LRMDA: variants seen among roughly 807,000 people sequenced by gnomAD.
The protein encoded by LRMDA is leucine rich melanocyte differentiation associated, also known as leucine-rich melanocyte differentiation-associated protein.
In LRMDA, 18 loss-of-function variants were observed where a neutral mutation model predicts 29.8. The observed-to-expected ratio is 0.60, with a 90% CI of 0.42 to 0.90. The LOEUF is 0.90. Among genes scored for constraint, LRMDA ranks in the 40% least tolerant of loss-of-function variants. The pLI, the probability that LRMDA is intolerant of heterozygous loss-of-function variation, is 0.00. For synonymous variants in LRMDA, 125 were observed against 109.4 expected (o/e 1.14, Z -0.89); for missense variants, 273 against 273.9 (o/e 1.00, Z 0.02).
chr10:76,362,125 G>C (rs995688096), intron 6 of LRMDA, among the ~76,000 whole-genome samples: 2 of 152,166 alleles, frequency 1.3e-5, no homozygotes, highest in African/African-American at 4.8e-5. Context: ...ACACGACACT[G>C]CCATAGCCTC....
intron 5 of LRMDA, among the ~76,000 whole-genome samples, chr10:76,184,394 C>T (rs904927419): frequency 2.6e-5 from 4 of 152,166 alleles, no homozygotes; most frequent in African/African-American, 7.2e-5. Flanking sequence ...GTGTCTTGCT[C>T]TTCTGGTGTA....
chr10:75,865,237 TAGAA>T (rs1564590600), intron 2 of LRMDA, among the ~76,000 whole-genome samples: 1 of 152,194 alleles, frequency 6.6e-6, no homozygotes, highest in Non-Finnish European at 1.5e-5. Context: ...TCTGGGGTGA[TAGAA>T]AGCAGAATAA....
chr10:75,467,956 TCACACACACACACACACACACACA>T (rs61295526), intron 2 of LRMDA, among the ~76,000 whole-genome samples: 2 of 129,988 alleles, frequency 1.5e-5, no homozygotes, highest in East Asian at 2.3e-4. Flanking sequence ...TGAGACTCCG[TCACACACACACACACACACACACA>T]CACACACACA....
chr10:76,121,171 C>T (rs984436893), intron 5 of LRMDA, among the ~76,000 whole-genome samples: 2 of 151,540 alleles, frequency 1.3e-5, no homozygotes, highest in African/African-American at 4.9e-5. Flanking sequence ...CTAGTATCTT[C>T]AAGAAGGAGG....
chr10:75,753,018 G>A (rs770791753), intron 2 of LRMDA, among the ~76,000 whole-genome samples: 9 of 152,142 alleles, frequency 5.9e-5, no homozygotes, highest in Non-Finnish European at 8.8e-5. Flanking sequence ...GATTGTGTCT[G>A]ATTCAGATAG....
At chr10:76,271,251 T>C (rs1373648452) in intron 5 of LRMDA, among the ~76,000 whole-genome samples, 2 of 152,024 alleles carry the variant, frequency 1.3e-5, no homozygotes, top group Non-Finnish European at 2.9e-5. Context: ...CTACAAAAAG[T>C]ACAAAAATTA....
At chr10:75,844,436 T>G (rs1844596797) in intron 2 of LRMDA, among the ~76,000 whole-genome samples, 1 of 152,202 alleles carries the variant, frequency 6.6e-6, no homozygotes, top group African/African-American at 2.4e-5. Context: ...AAGAATAATG[T>G]TGAAGCCCAA....
chr10:76,366,897 G>C (rs1331280349), intron 6 of LRMDA, among the ~76,000 whole-genome samples: 1 of 152,198 alleles, frequency 6.6e-6, no homozygotes, highest in Non-Finnish European at 1.5e-5. Flanking sequence ...GTTTGTCATA[G>C]ATGGCTTTTA....
At chr10:76,069,357 T>A (rs1898059) in intron 5 of LRMDA, among the ~76,000 whole-genome samples, 57,420 of 152,132 alleles carry the variant, frequency 0.38, 12,044 homozygotes, top group Non-Finnish European at 0.46. Context: ...CAGACAGGGC[T>A]CCATCAATAA....
In LRMDA at chr10:76,057,357, G is replaced by A. The variant is rs571490284; in HGVS notation, c.399-1309G>A. On this transcript the variant is annotated intron_variant, in intron 4 of 6. Coordinates refer to ENST00000611255, the MANE Select transcript of LRMDA (RefSeq NM_001305581.2). ...CTGTATCCCTAAGGCCTGGCACATA[G>A]TAGGTGATCAAGAAATATCTGTGCA... is the stretch of plus-strand genomic sequence containing the variant. Among the ~76,000 whole-genome samples, 371 of 152,308 alleles carry A rather than the reference G, an allele frequency of 2.4e-3. 2 individuals carry two copies. The highest frequency in any genetic ancestry group is 7.5e-3 in the African/African-American group (310 of 41,552).
intron 5 of LRMDA, among the ~76,000 whole-genome samples, chr10:76,135,813 C>A (rs1002757344): frequency 2.0e-5 from 3 of 151,514 alleles, no homozygotes; most frequent in Non-Finnish European, 4.4e-5. Context: ...TGGATTTGGG[C>A]CCATCCTAAT....
chr10:75,865,629 C>G (rs1458758416), intron 2 of LRMDA, among the ~76,000 whole-genome samples: 1 of 152,164 alleles, frequency 6.6e-6, no homozygotes, highest in Non-Finnish European at 1.5e-5. Flanking sequence ...TTTGTCAGCT[C>G]TGTTGTCCAA....
chr10:76,080,248 T>G (rs1024549950), intron 5 of LRMDA, among the ~76,000 whole-genome samples: 3 of 152,164 alleles, frequency 2.0e-5, no homozygotes, highest in African/African-American at 7.2e-5. Flanking sequence ...GAGCTTTCCT[T>G]TAACTACATC....
rs73290753 is a variant in LRMDA at position 76,374,421 on chromosome 10, T to A, written c.601+49936T>A. On this transcript the variant is annotated intron_variant, in intron 6 of 6. Transcript: ENST00000611255. ...AGATGAAAGGACTCATACGTCTGGA[T>A]TGGGCAGATAAATAATCAAAACAGA... 5.6e-3 allele frequency among the ~76,000 whole-genome samples: 855 copies of A among 152,198 alleles called. 9 individuals carry two copies. Among genetic ancestry groups the A allele is most frequent in the African/African-American group, 0.018 (757 of 41,526 alleles).
intron 2 of LRMDA, among the ~76,000 whole-genome samples, chr10:75,534,088 C>T (rs1345943391): frequency 2.6e-5 from 4 of 152,192 alleles, no homozygotes; most frequent in African/African-American, 9.7e-5. Context: ...TCAACAGGCT[C>T]TCTTCATGCT....
intron 2 of LRMDA, among the ~76,000 whole-genome samples, chr10:76,013,393 A>G (rs1177742756): frequency 6.6e-6 from 1 of 151,542 alleles, no homozygotes; most frequent in Non-Finnish European, 1.5e-5. Context: ...TTCTGATGGT[A>G]GACTTGGTAG....
rs1351443789 is a variant in LRMDA at position 76,020,764 on chromosome 10, GA to G, written c.132-15240del. ...CAGCGAGAGCCCCCACTGCTGTTCAGAAAACCTGAAAAGAATAGAATATAGA... is the reference window on the plus strand; with the variant it reads ...CAGCGAGAGCCCCCACTGCTGTTCAGAAACCTGAAAAGAATAGAATATAGA... On this transcript the variant is annotated intron_variant, in intron 2 of 6. Coordinates refer to ENST00000611255, the MANE Select transcript of LRMDA (RefSeq NM_001305581.2). Among the ~76,000 whole-genome samples the G allele has an allele frequency of 4.6e-5, 7 of 152,342 alleles. No homozygotes were observed. In the East Asian group the frequency reaches 1.2e-3, roughly 25 times the overall value.
chr10:76,014,579 A>G (rs981209641), intron 2 of LRMDA, among the ~76,000 whole-genome samples: 15 of 152,204 alleles, frequency 9.9e-5, no homozygotes, highest in African/African-American at 3.1e-4. Context: ...CAAGGTTGAC[A>G]CCATCAGAAA....
chr10:76,221,133 G>C (rs565533480), intron 5 of LRMDA, among the ~76,000 whole-genome samples: 4,585 of 151,920 alleles, frequency 0.03, 219 homozygotes, highest in African/African-American at 0.11. Flanking sequence ...AAAATAATAA[G>C]AGCTATCTAT....
Sources: gnomAD v4.1 joint callset for allele counts (sites outside exome capture counted in the v4.1 genomes callset) on GRCh38, gnomAD v4.1.1 for gene constraint, MANE v1.5 for transcripts, NCBI Gene and HGNC (gene_info 2026-07-23, HGNC 2026-07-21) for gene names.